Variants in FBXW8 observed in about 807,000 individuals in gnomAD.
The protein encoded by FBXW8 is F-box/WD repeat-containing protein 8.
Under a neutral mutation model 65.3 loss-of-function variants are expected in FBXW8, and 57 were observed. The ratio of observed to expected loss-of-function variants is 0.87; its 90% CI spans 0.71 to 1.09. The LOEUF is 1.09. FBXW8 is among the 50% of genes least tolerant of loss of function. The pLI is 0.00. For synonymous variants in FBXW8, 308 were observed against 330.2 expected, an observed-to-expected ratio of 0.93 and a Z score of 0.73; for missense variants, 777 against 814.8, an observed-to-expected ratio of 0.95 and a Z score of 0.57.
chr12:117,028,002 TG>T lies in FBXW8; in HGVS notation c.1653-25del. 6.2e-7 allele frequency: 1 copy of T among 1,613,548 alleles called. No individual in the cohort carries two copies. On this transcript the variant is annotated intron_variant, in intron 10 of 10. Transcript: ENST00000652555. This position sits in a 1 kb window ranked among gnomAD's most constrained non-coding sequence, Gnocchi z 4.1. The stretch of plus-strand genomic sequence containing the variant: ...GAGGGCCAGCGAGGCAGCCCTGACC[TG>T]TCACCATCTTTGTGCTCTTTCTAGA...
Position 116,954,111 on chromosome 12 carries a change from CAAAAA to C in FBXW8, c.677+4424_677+4428del, listed in dbSNP as rs59747365. On this transcript the variant is annotated intron_variant, in intron 4 of 10. Coordinates refer to ENST00000652555, the MANE Select transcript of FBXW8 (RefSeq NM_153348.3). ...CCTGGGCGACAGGGCGACTCTGTCT[CAAAAA>C]AAAAAAAAAAAAAAAAAAGAAAAAG... Among the ~76,000 whole-genome samples the C allele has an allele frequency of 7.9e-5, 8 of 100,642 alleles. No homozygotes were observed. The South Asian group carries it at 2.0e-3, about 25-fold the overall frequency. 66.0% of individuals were successfully genotyped at this position (100,642 alleles called of 152,430 possible). A position where few individuals can be genotyped will look rare whatever the true frequency, so the allele number is the denominator to read the frequency against.
Position 116,945,497 on chromosome 12 carries a change from C to G in FBXW8, c.557C>G (p.Ala186Gly), listed in dbSNP as rs1457605620. Residue 186 changes from alanine (A) to glycine (G), a missense_variant, in exon 3 of 11, where the codon GCC becomes GGC. Physicochemically the swap from Ala to Gly is moderately conservative, Grantham distance 60. Transcript: ENST00000652555. ...AAGCTCATCTTCCAAGAGTGCCGAGCCAAGGAACACATGTTACGAACCAAC... is the reference window on the plus strand; with the variant it reads ...AAGCTCATCTTCCAAGAGTGCCGAGGCAAGGAACACATGTTACGAACCAAC... ...CWKLIFQECR[A>G]KEHMLRTNWK... The G allele has an allele frequency of 1.2e-6, 2 of 1,613,912 alleles. No homozygotes were observed.
chr12:116,964,517 C>A (rs1884189795), intron 4 of FBXW8, among the ~76,000 whole-genome samples, 180 bp from the exon 5 acceptor site: 1 of 152,130 alleles, frequency 6.6e-6, no homozygotes, highest in African/African-American at 2.4e-5. Flanking sequence ...GTGTTCACAG[C>A]CTTCTGTCAT....
chr12:116,932,977 G>T (rs1200750208), intron 2 of FBXW8, among the ~76,000 whole-genome samples: 1 of 151,976 alleles, frequency 6.6e-6, no homozygotes, highest in African/African-American at 2.4e-5. Flanking sequence ...CGGAGTGTGT[G>T]TCTTTAGGAA....
At chr12:117,021,519 T>C (rs1293603914) in intron 8 of FBXW8, among the ~76,000 whole-genome samples, 1 of 152,258 alleles carries the variant, frequency 6.6e-6, no homozygotes, top group Non-Finnish European at 1.5e-5. Context: ...TTTAACTCTT[T>C]GCGCTCTCTG....
chr12:116,951,029 T>C (rs1390118118), intron 4 of FBXW8: 1 of 152,158 alleles, frequency 6.6e-6, no homozygotes, highest in African/African-American at 2.4e-5. Flanking sequence ...CAAAGCCAAT[T>C]ATGAATTTCT....
chr12:116,985,177 T>G (rs373057761), intron 5 of FBXW8, 29 bp from the exon 6 acceptor site: 108 of 1,539,814 alleles, frequency 7.0e-5, no homozygotes, highest in Non-Finnish European at 9.2e-5. Flanking sequence ...AATTTAAAAT[T>G]GTTACCTGCA....
intron 2 of FBXW8, among the ~76,000 whole-genome samples, chr12:116,938,111 T>C (rs748057220): frequency 6.6e-6 from 1 of 152,174 alleles, no homozygotes; most frequent in Non-Finnish European, 1.5e-5. Flanking sequence ...AACATTTGCT[T>C]GTGAAAGTTT....
At chr12:116,976,964 A>C (rs542345627) in intron 5 of FBXW8, among the ~76,000 whole-genome samples, 1 of 152,184 alleles carries the variant, frequency 6.6e-6, no homozygotes, top group Non-Finnish European at 1.5e-5. Flanking sequence ...CTCCGTCTCT[A>C]TTGGGCTCTT....
chr12:116,946,912 C>A (rs1882970449), intron 3 of FBXW8, among the ~76,000 whole-genome samples: 2 of 151,992 alleles, frequency 1.3e-5, no homozygotes. Flanking sequence ...TTAACGGGGT[C>A]CTTTCTCTCC....
At chr12:117,021,317 G>GTCTT (rs1360365769) in intron 8 of FBXW8, among the ~76,000 whole-genome samples, 1 of 152,188 alleles carries the variant, frequency 6.6e-6, no homozygotes, top group Non-Finnish European at 1.5e-5. Context: ...TGGGTTGTCA[G>GTCTT]TCTTTACTAA....
intron 1 of FBXW8, among the ~76,000 whole-genome samples, chr12:116,913,501 G>A (rs1043799000): frequency 1.3e-5 from 2 of 152,188 alleles, no homozygotes; most frequent in African/African-American, 4.8e-5. Context: ...TTATAATAAA[G>A]TAAGCTAGAG....
chr12:116,960,246 A>G (rs935674023), intron 4 of FBXW8, among the ~76,000 whole-genome samples: 6 of 152,134 alleles, frequency 3.9e-5, no homozygotes, highest in Non-Finnish European at 5.9e-5. Context: ...ACCCTACCAA[A>G]GATGTCTGTT....
intron 1 of FBXW8, among the ~76,000 whole-genome samples, chr12:116,919,194 C>G (rs779842063): frequency 5.9e-5 from 9 of 152,194 alleles, no homozygotes; most frequent in Non-Finnish European, 1.3e-4. Context: ...CATTGATCAG[C>G]TCAGTGCTGG....
chr12:116,995,471 T>G (rs553451740), intron 7 of FBXW8, among the ~76,000 whole-genome samples: 8 of 152,342 alleles, frequency 5.3e-5, no homozygotes, highest in African/African-American at 1.9e-4. Flanking sequence ...GAATCCATTA[T>G]TCTATCACTT....
intron 5 of FBXW8, among the ~76,000 whole-genome samples, chr12:116,983,499 C>G (rs1885458415): frequency 6.6e-6 from 1 of 152,164 alleles, no homozygotes; most frequent in Non-Finnish European, 1.5e-5. Context: ...GGAAGTCTGG[C>G]AAAGCAGCCC....
At chr12:116,969,236 G>C (rs1021421013) in intron 5 of FBXW8, among the ~76,000 whole-genome samples, 1 of 152,180 alleles carries the variant, frequency 6.6e-6, no homozygotes, top group Non-Finnish European at 1.5e-5. Context: ...TTCGTTTCAA[G>C]TTCATTTTGG....
In FBXW8 at chr12:117,028,119, A is replaced by G. The variant is rs778839147; in HGVS notation, c.1744A>G (p.Met582Val). 6 of 1,614,144 alleles carry G rather than the reference A, an allele frequency of 3.7e-6. No homozygotes were observed. In the South Asian group the frequency reaches 5.5e-5, roughly 15 times the overall value. Reference protein sequence around the residue: ...LPVCRSSCDAMATHYYDLALA... With the variant: ...LPVCRSSCDAVATHYYDLALA... Reference sequence around the variant, plus strand: ...TGTCTGCCGTTCATCCTGTGACGCCATGGCCACTCACTACTACGACCTCGC... The same window carrying G: ...TGTCTGCCGTTCATCCTGTGACGCCGTGGCCACTCACTACTACGACCTCGC... Residue 582 changes from methionine to valine, a missense_variant, in exon 11 of 11, where the codon ATG (methionine) becomes GTG (valine). Met to Val is a conservative substitution (Grantham distance 21). Coordinates refer to ENST00000652555, the MANE Select transcript of FBXW8 (RefSeq NM_153348.3). The surrounding 1 kb of genome is among the most constrained non-coding windows in gnomAD (Gnocchi z 4.1).
At chr12:116,945,041 T>C (rs141589189) in intron 2 of FBXW8, among the ~76,000 whole-genome samples, 1 of 152,334 alleles carries the variant, frequency 6.6e-6, no homozygotes, top group Admixed American at 6.5e-5. Context: ...TCTGTATGAT[T>C]GTATAGCTAA....
Sources: allele counts gnomAD v4.1 joint callset (sites outside exome capture counted in the v4.1 genomes callset), GRCh38; gene constraint gnomAD v4.1.1; non-coding constraint Gnocchi (gnomAD v3.1); transcripts MANE v1.5; gene names NCBI Gene and HGNC (gene_info 2026-07-23, HGNC 2026-07-21).